Variants in SCEL observed in about 807,000 individuals in gnomAD.
The protein encoded by SCEL is sciellin.
A neutral mutation model predicts 117.6 loss-of-function variants in SCEL; 113 were observed. The ratio of observed to expected loss-of-function variants is 0.96; its 90% CI spans 0.83 to 1.12. The LOEUF (loss-of-function observed/expected upper bound fraction) is 1.12, where lower values mean the gene tolerates loss of function less well. Among genes scored for constraint, SCEL ranks in the 50% most tolerant of loss-of-function variants. The probability of loss-of-function intolerance (pLI) is 0.00; values close to 1 mark genes in which losing one functional copy is unlikely to be tolerated. For missense variants in SCEL, 785 were observed against 810.8 expected (o/e 0.97, Z 0.39); for synonymous variants, 270 against 256.2 (o/e 1.05, Z -0.51).
At chr13:77,540,541 A>G (rs914290071) in intron 1 of SCEL, among the ~76,000 whole-genome samples, 7 of 152,184 alleles carry the variant, frequency 4.6e-5, no homozygotes, top group African/African-American at 1.7e-4. Flanking sequence ...AGAATGTGTG[A>G]TCTGGAAGGT....
chr13:77,614,103 A>C (rs2088862684), intron 24 of SCEL, 148 bp downstream of exon 24: 1 of 689,504 alleles, frequency 1.5e-6, no homozygotes, highest in Non-Finnish European at 2.5e-6. Flanking sequence ...GTATTTGTTA[A>C]TTGCAAGAAA....
At chr13:77,567,189 C>T (rs1313481471) in intron 5 of SCEL, among the ~76,000 whole-genome samples, 2 of 152,304 alleles carry the variant, frequency 1.3e-5, no homozygotes, top group Non-Finnish European at 2.9e-5. Context: ...TGCCTTGGCT[C>T]ACACGTGTAA....
intron 20 of SCEL, 28 bp from the exon 21 acceptor site, chr13:77,609,030 A>G (rs746904430): frequency 1.3e-6 from 2 of 1,508,632 alleles, no homozygotes; most frequent in East Asian, 2.3e-5. Flanking sequence ...ATTTTTATTT[A>G]TGATGTTTTT....
At chr13:77,641,985 G>GT (rs1165219146) in intron 31 of SCEL, among the ~76,000 whole-genome samples, 12 of 151,938 alleles carry the variant, frequency 7.9e-5, no homozygotes, top group Admixed American at 3.3e-4. Flanking sequence ...TTAGTCTATA[G>GT]TTTTTTATTG....
intron 14 of SCEL, 84 bp from the exon 15 acceptor site, chr13:77,599,605 T>C (rs1226586661): frequency 2.9e-6 from 3 of 1,036,768 alleles, no homozygotes; most frequent in East Asian, 2.4e-5. Flanking sequence ...TCATGGAGAA[T>C]GTTTATTGCA....
intron 31 of SCEL, among the ~76,000 whole-genome samples, chr13:77,641,163 T>C (rs1256092933): frequency 6.6e-6 from 1 of 152,178 alleles, no homozygotes; most frequent in Non-Finnish European, 1.5e-5. Context: ...AAGCTAGCAG[T>C]TTCTTACCTC....
intron 16 of SCEL, 115 bp from the exon 17 acceptor site, chr13:77,602,539 G>C (rs1437126542): frequency 1.3e-6 from 1 of 781,140 alleles, no homozygotes; most frequent in Admixed American, 2.1e-5. Context: ...AGCTCTTTTT[G>C]GTCATTTGGT....
Position 77,602,645 on chromosome 13 carries a change from T to G in SCEL, c.978-9T>G. 6.2e-7 allele frequency: 1 copy of G among 1,613,312 alleles called. No individual in the cohort carries two copies. The highest frequency in any genetic ancestry group is 8.5e-7 in the Non-Finnish European group (1 of 1,179,408). The stretch of plus-strand genomic sequence containing the variant: ...ACCTAACTGACAAGTTTTGGTGTTT[T>G]TTCCAAAGAAGACAAAATCTCGAAT... On this transcript the variant is annotated splice_polypyrimidine_tract_variant and intron_variant, in intron 16 of 32. Transcript: ENST00000349847.
At chr13:77,602,983 A>T in intron 17 of SCEL, 93 bp from the exon 18 acceptor site, 1 of 768,154 alleles carries the variant, frequency 1.3e-6, no homozygotes, top group East Asian at 2.6e-5. Flanking sequence ...AATTTTCTCC[A>T]AAAGCTTGAA....
chr13:77,593,326 G>A (rs2087028047), intron 11 of SCEL, among the ~76,000 whole-genome samples, 188 bp from the exon 12 acceptor site: 1 of 151,264 alleles, frequency 6.6e-6, no homozygotes, highest in Admixed American at 6.6e-5. Flanking sequence ...GTGTCAGTGG[G>A]GGATGTGTGT....
intron 28 of SCEL, among the ~76,000 whole-genome samples, chr13:77,629,574 G>A (rs981408818): frequency 3.3e-5 from 5 of 152,102 alleles, no homozygotes; most frequent in East Asian, 1.9e-4. Flanking sequence ...TTTCTAATTC[G>A]TTTCATTAAG....
chr13:77,553,954 T>G (rs894984247), intron 1 of SCEL, among the ~76,000 whole-genome samples: 2 of 152,104 alleles, frequency 1.3e-5, no homozygotes, highest in East Asian at 1.9e-4. Context: ...AGACTCTTGG[T>G]TATTCATGCA....
intron 29 of SCEL, 34 bp from the exon 30 acceptor site, chr13:77,637,086 C>A: frequency 9.1e-7 from 1 of 1,100,920 alleles, no homozygotes; most frequent in Non-Finnish European, 1.3e-6. Context: ...GGAAAATCAC[C>A]TGATTCTCAC....
chr13:77,628,440 A>G (rs529838463), intron 28 of SCEL, among the ~76,000 whole-genome samples: 34 of 152,166 alleles, frequency 2.2e-4, no homozygotes, highest in Admixed American at 1.2e-3. Context: ...AAAAGAATGC[A>G]TGAATTTATC....
At chr13:77,616,384 G>C (rs1355729762) in intron 24 of SCEL, among the ~76,000 whole-genome samples, 4 of 151,852 alleles carry the variant, frequency 2.6e-5, no homozygotes, top group Non-Finnish European at 4.4e-5. Flanking sequence ...TTTAAAGACT[G>C]TTGTCTTTCT....
At chr13:77,544,621 T>C (rs2083895758) in intron 1 of SCEL, among the ~76,000 whole-genome samples, 1 of 152,004 alleles carries the variant, frequency 6.6e-6, no homozygotes, top group Non-Finnish European at 1.5e-5. Flanking sequence ...GGGGCTCAGA[T>C]TGGGCTGGTG....
In SCEL at chr13:77,637,481, A is replaced by G. The variant is rs182488357; in HGVS notation, c.1838+287A>G. Among the ~76,000 whole-genome samples the G allele has an allele frequency of 1.3e-4, 19 of 150,578 alleles. No homozygotes were observed. In the East Asian group the frequency reaches 3.7e-3, roughly 29 times the overall value. On this transcript the variant is annotated intron_variant, in intron 30 of 32. Coordinates refer to ENST00000349847, the MANE Select transcript of SCEL (RefSeq NM_144777.3). ...GATGGTTCTGCTGATGTTTCTTGTC[A>G]TGTATGTGCATGGGCAGACCAAAGT...
intron 15 of SCEL, chr13:77,600,048 G>A (rs895918472): frequency 3.5e-5 from 12 of 346,156 alleles, no homozygotes; most frequent in African/African-American, 2.1e-4. Flanking sequence ...ACAACTAGCT[G>A]TTACAAGTAG....
intron 1 of SCEL, among the ~76,000 whole-genome samples, chr13:77,548,710 A>G (rs377144580): frequency 6.6e-6 from 1 of 152,136 alleles, no homozygotes; most frequent in African/African-American, 2.4e-5. Flanking sequence ...TAGTGAATAA[A>G]TCTCATGGGA....
Sources: allele counts gnomAD v4.1 joint callset (sites outside exome capture counted in the v4.1 genomes callset), GRCh38; gene constraint gnomAD v4.1.1; transcripts MANE v1.5; gene names NCBI Gene and HGNC (gene_info 2026-07-23, HGNC 2026-07-21).